The following SYNE1 variants were observed in gnomAD, a reference collection of about 807,000 sequenced individuals.
The protein encoded by SYNE1 is nesprin-1.
In SYNE1, 616 loss-of-function variants were observed where a neutral mutation model predicts 1,111.0. That is an observed-to-expected ratio of 0.55 (90% CI 0.52 to 0.59). SYNE1 has a LOEUF of 0.59. Among genes scored for constraint, SYNE1 ranks in the 20% least tolerant of loss-of-function variants. The pLI is 0.00. For missense variants in SYNE1, 10,006 were observed against 10,417.0 expected, an observed-to-expected ratio of 0.96 and a Z score of 1.72; for synonymous variants, 3,855 against 3,825.8, an observed-to-expected ratio of 1.01 and a Z score of -0.28.
rs930062661 is a variant in SYNE1 at position 152,294,097 on chromosome 6, C to T, written c.17713G>A (p.Glu5905Lys). 1 of 1,613,810 alleles carries T rather than the reference C, an allele frequency of 6.2e-7. No individual in the cohort carries two copies. Among genetic ancestry groups the T allele is most frequent in the Admixed American group, 1.7e-5 (1 of 60,010 alleles). ...TTTGCAGCATCTGTCTGCAACCTCT[C>T]AGCAGACAAGGCTTGGTAATATGCA... Reference protein sequence around the residue: ...DIAYYQALSAERLQTDAAKIH... With the variant: ...DIAYYQALSAKRLQTDAAKIH... Residue 5905 changes from glutamate to lysine, a missense_variant, in exon 94 of 146, where the codon GAG (glutamate) becomes AAG (lysine). By Grantham distance (56) the Glu-to-Lys change is moderately conservative (BLOSUM62 1). Transcript: ENST00000367255.
At chr6:152,518,909 G>A (rs1338331668) in intron 6 of SYNE1, among the ~76,000 whole-genome samples, 2 of 151,290 alleles carry the variant, frequency 1.3e-5, no homozygotes, top group Non-Finnish European at 2.9e-5. Flanking sequence ...GTATATATAT[G>A]AGTTAATAAA....
intron 127 of SYNE1, among the ~76,000 whole-genome samples, chr6:152,199,612 G>C (rs2074974760): frequency 6.6e-6 from 1 of 152,156 alleles, no homozygotes; most frequent in Non-Finnish European, 1.5e-5. Context: ...TGTATAACCA[G>C]CTGTTGTTTT....
intron 41 of SYNE1, among the ~76,000 whole-genome samples, chr6:152,415,555 G>A (rs949518963): frequency 6.6e-6 from 1 of 152,016 alleles, no homozygotes; most frequent in African/African-American, 2.4e-5. Context: ...CAGCCACCAA[G>A]GAGGAATTTC....
At chr6:152,537,476 A>T (rs2127945166) in intron 4 of SYNE1, among the ~76,000 whole-genome samples, 1 of 152,186 alleles carries the variant, frequency 6.6e-6, no homozygotes, top group East Asian at 1.9e-4. Context: ...AAAAAGAAAA[A>T]ATAATAAAAG....
chr6:152,202,495 ACTAT>A (rs2075713259), intron 126 of SYNE1, among the ~76,000 whole-genome samples: 2 of 151,916 alleles, frequency 1.3e-5, no homozygotes, highest in African/African-American at 4.8e-5. Context: ...TCTGTTACTG[ACTAT>A]CTGTGTGGCT....
chr6:152,145,615 G>T, intron 137 of SYNE1: 3 of 1,473,438 alleles, frequency 2.0e-6, no homozygotes, highest in Non-Finnish European at 2.9e-6. Context: ...AATCCCTTGT[G>T]CAGGAAAATA....
At chr6:152,486,492 A>G (rs2098941227) in intron 12 of SYNE1, among the ~76,000 whole-genome samples, 1 of 152,224 alleles carries the variant, frequency 6.6e-6, no homozygotes, top group African/African-American at 2.4e-5. Context: ...TGTTTCCCTC[A>G]TGAACTAGCA....
At chr6:152,205,725 G>C (rs561936342) in intron 126 of SYNE1, among the ~76,000 whole-genome samples, 2 of 152,278 alleles carry the variant, frequency 1.3e-5, no homozygotes, top group South Asian at 4.1e-4. Flanking sequence ...ATGGCAACTT[G>C]CTTGGATCAG....
intron 18 of SYNE1, among the ~76,000 whole-genome samples, chr6:152,463,718 C>T (rs569565576): frequency 1.5e-4 from 23 of 152,140 alleles, no homozygotes; most frequent in Non-Finnish European, 2.1e-4. Context: ...TTTATAAGAA[C>T]AATTGTGCCA....
Position 152,149,525 on chromosome 6 carries a change from C to A in SYNE1, c.24594G>T (p.Glu8198Asp). The A allele has an allele frequency of 6.2e-7, 1 of 1,614,198 alleles. No individual in the cohort carries two copies. Among genetic ancestry groups the A allele is most frequent in the East Asian group, 2.2e-5 (1 of 44,874 alleles). ...ELDELRRYCQ[E>D]VFGRVERYHK... ...GGTATCTTTCCACACGCCCGAAGAC[C>A]TCCTGGCAGTACCGTCGGAGCTCAT... is the stretch of plus-strand genomic sequence containing the variant. The change falls in exon 136 of 146, where the codon GAG (glutamate) becomes GAT (aspartate). Residue 8198 changes from glutamate (E) to aspartate (D), a missense_variant. This residue lies in a region of SYNE1 where 761 missense variants were observed against 795.5 expected (regional missense o/e 0.96). Transcript: ENST00000367255.
At chr6:152,342,579 T>C (rs536850009) in intron 74 of SYNE1, among the ~76,000 whole-genome samples, 1 of 152,354 alleles carries the variant, frequency 6.6e-6, no homozygotes, top group Non-Finnish European at 1.5e-5. Flanking sequence ...ACACATTCTT[T>C]ATGTGGACTC....
At chr6:152,378,039 G>A (rs2097328854) in intron 56 of SYNE1, among the ~76,000 whole-genome samples, 2 of 152,224 alleles carry the variant, frequency 1.3e-5, no homozygotes, top group South Asian at 2.1e-4. Context: ...TACACAAGGT[G>A]CTTTGCACTC....
At chr6:152,197,823 C>T (rs1052318278) in intron 127 of SYNE1, among the ~76,000 whole-genome samples, 1 of 152,154 alleles carries the variant, frequency 6.6e-6, no homozygotes, top group African/African-American at 2.4e-5. Context: ...GTTAAATGAA[C>T]ACTGACTTTA....
intron 26 of SYNE1, 25 bp downstream of exon 26, chr6:152,451,022 C>A: frequency 1.9e-6 from 3 of 1,613,942 alleles, no homozygotes; most frequent in Non-Finnish European, 2.5e-6. Context: ...ACACGGCTAT[C>A]CACATTGTGG....
rs539449294 is a variant in SYNE1, at chr6:152,125,256, C to G, written c.26154-2580G>C. 9 of 1,549,764 alleles carry G rather than the reference C, an allele frequency of 5.8e-6. No homozygotes were observed. In the African/African-American group the frequency reaches 1.2e-4, roughly 21 times the overall value. ...TGGTAATGGTAATTCAGGTCGTATT[C>G]ATTTCACAGGTATCTCACATGTAGA... On this transcript the variant is annotated intron_variant, in intron 145 of 145. Transcript: ENST00000367255.
intron 72 of SYNE1, among the ~76,000 whole-genome samples, chr6:152,347,809 T>C (rs998028014): frequency 2.6e-5 from 4 of 151,390 alleles, no homozygotes; most frequent in African/African-American, 9.7e-5. Context: ...GCCTCCTGAG[T>C]AGGTGGGATC....
Position 152,269,199 on chromosome 6 carries a change from T to C in SYNE1, c.18661A>G (p.Thr6221Ala), listed in dbSNP as rs1444483698. 3 of 1,614,214 alleles carry C rather than the reference T, an allele frequency of 1.9e-6. No individual in the cohort carries two copies. The highest frequency in any genetic ancestry group is 2.5e-6 in the Non-Finnish European group (3 of 1,180,032). Residue 6221 changes from threonine (T) to alanine (A), a missense_variant, in exon 99 of 146, where the codon ACC (threonine) becomes GCC (alanine). By Grantham distance (58) the Thr-to-Ala change is moderately conservative. Around this residue, in one of 7 missense-constraint regions of SYNE1, gnomAD observed 2,182 missense variants for 2,287.8 expected, o/e 0.95. Coordinates refer to ENST00000367255, the MANE Select transcript of SYNE1 (RefSeq NM_182961.4). ...CTCTGCCGCTGCTGGGTCCATGTGGTGCGAGCTTGGGCCAGCCATTCCTGG... is the reference window on the plus strand; with the variant it reads ...CTCTGCCGCTGCTGGGTCCATGTGGCGCGAGCTTGGGCCAGCCATTCCTGG... ...GVQEWLAQAR[T>A]TWTQQRQSSL...
At chr6:152,546,060 G>A (rs1188112963) in intron 3 of SYNE1, 1 of 152,078 alleles carries the variant, frequency 6.6e-6, no homozygotes, top group African/African-American at 2.4e-5. Context: ...ACAGTGACAA[G>A]GTAATGATTA....
chr6:152,251,249 C>T (rs1408741121), intron 104 of SYNE1, among the ~76,000 whole-genome samples: 1 of 151,968 alleles, frequency 6.6e-6, no homozygotes, highest in Non-Finnish European at 1.5e-5. Flanking sequence ...CCGCACCCGG[C>T]CCATTTTTAT....
Sources: allele counts gnomAD v4.1 joint callset (sites outside exome capture counted in the v4.1 genomes callset), GRCh38; gene constraint gnomAD v4.1.1; regional missense constraint gnomAD v4.1.1; transcripts MANE v1.5; gene names NCBI Gene and HGNC (gene_info 2026-07-23, HGNC 2026-07-21).